The following SCFD1 variants were observed in gnomAD, a reference collection of about 807,000 sequenced individuals.
The protein encoded by SCFD1 is sec1 family domain-containing protein 1.
Under a neutral mutation model 103.2 loss-of-function variants are expected in SCFD1, and 37 were observed. That is an observed-to-expected ratio of 0.36 (90% confidence interval 0.28 to 0.47). The LOEUF is 0.47. SCFD1 is among the 20% of genes least tolerant of loss of function. The pLI is 1.00. For missense variants in SCFD1, 639 were observed against 761.2 expected (o/e 0.84, Z 1.89); for synonymous variants, 264 against 245.0 (o/e 1.08, Z -0.73).
chr14:30,680,381 T>TC (rs776917734), intron 14 of SCFD1, among the ~76,000 whole-genome samples: 1 of 152,200 alleles, frequency 6.6e-6, no homozygotes, highest in Non-Finnish European at 1.5e-5. Flanking sequence ...ACTTTTTTTT[T>TC]CACTGTTACA....
rs1397035371 is a variant in SCFD1, at chr14:30,682,315, C to A, written c.1242+7250C>A. ...AATTTTGTTCAAGATTCCTAAGTCA[C>A]TATGGCACATGAGCTAAGTTCATTG... On this transcript the variant is annotated intron_variant, in intron 14 of 24. Coordinates refer to ENST00000458591, the MANE Select transcript of SCFD1 (RefSeq NM_016106.4). 6.6e-5 allele frequency among the ~76,000 whole-genome samples: 10 copies of A among 152,298 alleles called. No individual in the cohort carries two copies. The East Asian group carries it at 1.7e-3, about 26-fold the overall frequency.
At chr14:30,674,145 A>G (rs917901556) in intron 13 of SCFD1, 148 bp downstream of exon 13, 3 of 613,296 alleles carry the variant, frequency 4.9e-6, no homozygotes, top group Non-Finnish European at 8.5e-6. Context: ...AATTGTATTT[A>G]GCTAAATGTT....
At chr14:30,645,641 G>A (rs1189264843) in intron 7 of SCFD1, among the ~76,000 whole-genome samples, 1 of 152,112 alleles carries the variant, frequency 6.6e-6, no homozygotes, top group Non-Finnish European at 1.5e-5. Flanking sequence ...TATTATTGGT[G>A]TATAGAAATG....
At chr14:30,664,770 C>T (rs886456448) in intron 10 of SCFD1, among the ~76,000 whole-genome samples, 8 of 151,924 alleles carry the variant, frequency 5.3e-5, no homozygotes, top group African/African-American at 1.7e-4. Context: ...GTAGCCAATT[C>T]GATCAAGTGG....
At chr14:30,724,572 A>G (rs1341369200) in intron 23 of SCFD1, among the ~76,000 whole-genome samples, 1 of 152,002 alleles carries the variant, frequency 6.6e-6, no homozygotes. Flanking sequence ...TTTTTCTTGT[A>G]AAGTTCCTTA....
intron 1 of SCFD1, among the ~76,000 whole-genome samples, chr14:30,625,967 G>A (rs999237720): frequency 8.5e-5 from 13 of 152,168 alleles, no homozygotes; most frequent in East Asian, 7.7e-4. Context: ...GGCTTCAAGA[G>A]TGTGAACAGC....
At chr14:30,690,778 G>A (rs531222245) in intron 14 of SCFD1, among the ~76,000 whole-genome samples, 13 of 152,160 alleles carry the variant, frequency 8.5e-5, no homozygotes, top group African/African-American at 1.4e-4. Flanking sequence ...CTTCTGCGTC[G>A]CTCACGCTGG....
intron 14 of SCFD1, among the ~76,000 whole-genome samples, chr14:30,684,635 A>G (rs1323271494): frequency 1.1e-4 from 16 of 151,630 alleles, no homozygotes; most frequent in Admixed American, 1.1e-3. Flanking sequence ...TGAGAAATGC[A>G]TGGCTCTCAG....
At chr14:30,679,957 A>G (rs1889343425) in intron 14 of SCFD1, among the ~76,000 whole-genome samples, 1 of 152,150 alleles carries the variant, frequency 6.6e-6, no homozygotes. Context: ...TTCTCATCTC[A>G]AGATTAGTTA....
At chr14:30,678,091 G>A (rs1312628543) in intron 14 of SCFD1, among the ~76,000 whole-genome samples, 1 of 152,006 alleles carries the variant, frequency 6.6e-6, no homozygotes, top group Non-Finnish European at 1.5e-5. Flanking sequence ...ACCCGCCTCG[G>A]CCCCGCGAAG....
At chr14:30,695,799 G>A (rs1249063670) in intron 15 of SCFD1, among the ~76,000 whole-genome samples, 1 of 152,058 alleles carries the variant, frequency 6.6e-6, no homozygotes, top group Non-Finnish European at 1.5e-5. Context: ...TTGAGCCTAG[G>A]AGTACGATGT....
intron 15 of SCFD1, among the ~76,000 whole-genome samples, chr14:30,697,479 C>CA (rs1451392319): frequency 6.6e-6 from 1 of 152,126 alleles, no homozygotes. Context: ...TACCTCCCCA[C>CA]AAAATACTTA....
At chr14:30,717,380 G>A (rs1892351203) in intron 20 of SCFD1, among the ~76,000 whole-genome samples, 2 of 152,120 alleles carry the variant, frequency 1.3e-5, no homozygotes, top group African/African-American at 4.8e-5. Context: ...AGGAGGCTGA[G>A]GTGGGAGGAT....
intron 3 of SCFD1, among the ~76,000 whole-genome samples, chr14:30,633,562 C>T (rs1227465521): frequency 6.6e-6 from 1 of 152,032 alleles, no homozygotes; most frequent in Non-Finnish European, 1.5e-5. Context: ...TGATTTTCCC[C>T]TCAGAGAGCC....
chr14:30,698,511 A>G (rs932663976), intron 15 of SCFD1, among the ~76,000 whole-genome samples: 1 of 152,224 alleles, frequency 6.6e-6, no homozygotes, highest in African/African-American at 2.4e-5. Context: ...AGGCTGTGCT[A>G]GATGCTGAAG....
chr14:30,706,574 C>T (rs1055918338), intron 18 of SCFD1, among the ~76,000 whole-genome samples: 7 of 152,118 alleles, frequency 4.6e-5, no homozygotes, highest in Admixed American at 1.3e-4. Context: ...AGACTTGAAG[C>T]TAGGCCTGGC....
intron 9 of SCFD1, 68 bp from the exon 10 acceptor site, chr14:30,653,421 A>G (rs1886590702): frequency 1.1e-5 from 10 of 931,128 alleles, no homozygotes; most frequent in Middle Eastern, 2.2e-4. Flanking sequence ...ACTGGAAAGT[A>G]GTAGAATATT....
chr14:30,681,459 T>C (rs182359370), intron 14 of SCFD1, among the ~76,000 whole-genome samples: 1 of 152,116 alleles, frequency 6.6e-6, no homozygotes, highest in East Asian at 1.9e-4. Context: ...TGAATTTAAA[T>C]ATTTTTAGCA....
intron 2 of SCFD1, among the ~76,000 whole-genome samples, chr14:30,629,063 C>T (rs1169894620): frequency 6.6e-6 from 1 of 152,162 alleles, no homozygotes; most frequent in African/African-American, 2.4e-5. Flanking sequence ...GGGCATCTTC[C>T]TATTGCCTCT....
Sources: allele counts gnomAD v4.1 joint callset (sites outside exome capture counted in the v4.1 genomes callset), GRCh38; gene constraint gnomAD v4.1.1; transcripts MANE v1.5; gene names NCBI Gene and HGNC (gene_info 2026-07-23, HGNC 2026-07-21).